LRRC49: variants seen among roughly 807,000 people sequenced by gnomAD.
LRRC49 encodes the protein leucine rich repeat containing 49.
A neutral mutation model predicts 83.3 loss-of-function variants in LRRC49; 50 were observed. The observed-to-expected ratio is 0.60, with a 90% confidence interval of 0.48 to 0.76. The LOEUF (loss-of-function observed/expected upper bound fraction) is 0.76, where lower values mean the gene tolerates loss of function less well. Ranked by LOEUF, LRRC49 falls within the 30% of genes least tolerant of loss-of-function variation. The pLI is 0.00. For missense variants in LRRC49, 704 were observed against 809.1 expected, an observed-to-expected ratio of 0.87 and a Z score of 1.58; for synonymous variants, 286 against 283.3, an observed-to-expected ratio of 1.01 and a Z score of -0.10.
At chr15:70,925,797 A>G (rs1399430989) in intron 7 of LRRC49, among the ~76,000 whole-genome samples, 2 of 152,200 alleles carry the variant, frequency 1.3e-5, no homozygotes, top group African/African-American at 4.8e-5. Context: ...CTAAATATGA[A>G]GACTTTTCCT....
intron 1 of LRRC49, among the ~76,000 whole-genome samples, chr15:70,865,373 T>A (rs115464199): frequency 0.013 from 1,965 of 150,380 alleles, 43 homozygotes; most frequent in African/African-American, 0.045. Flanking sequence ...GAGAAAGACA[T>A]TCACCTACAA....
intron 10 of LRRC49, among the ~76,000 whole-genome samples, chr15:70,981,191 C>T (rs890268068): frequency 6.6e-6 from 1 of 152,126 alleles, no homozygotes; most frequent in Non-Finnish European, 1.5e-5. Flanking sequence ...TGCAACTCTA[C>T]ATATTGATCA....
chr15:70,899,039 G>A (rs1463363463), intron 3 of LRRC49, among the ~76,000 whole-genome samples: 1 of 152,146 alleles, frequency 6.6e-6, no homozygotes, highest in Admixed American at 6.5e-5. Flanking sequence ...ATTGTAAGCA[G>A]TATATCACAT....
chr15:70,971,870 G>A (rs1884447141), intron 9 of LRRC49, among the ~76,000 whole-genome samples: 1 of 127,974 alleles, frequency 7.8e-6, no homozygotes, highest in South Asian at 2.5e-4. Context: ...TTGAGTCTAT[G>A]TGTGTCTTTG....
Position 71,009,964 on chromosome 15 carries a change from T to C in LRRC49, c.1565T>C (p.Phe522Ser), listed in dbSNP as rs2038596282. The change falls in exon 13 of 16, where the codon TTC (phenylalanine) becomes TCC (serine). Residue 522 changes from phenylalanine (F) to serine (S), a missense_variant. Phe to Ser is a radical substitution (Grantham distance 155). Around this residue, in one of 3 missense-constraint regions of LRRC49, gnomAD observed 275 missense variants for 338.0 expected, o/e 0.81. Transcript: ENST00000260382. The part of the protein sequence containing the change: ...KYYVLFRLSH[F>S]SMQKINGTEV... The stretch of plus-strand genomic sequence containing the variant: ...TATGTACTGTTTAGGCTAAGCCATT[T>C]CAGTATGCAGAAAATAAATGGAACA... 6.2e-7 allele frequency: 1 copy of C among 1,600,212 alleles called. No homozygotes were observed. The highest frequency in any genetic ancestry group is 1.1e-5 in the South Asian group (1 of 88,018).
chr15:71,018,729 A>T (rs1432238031), intron 14 of LRRC49, among the ~76,000 whole-genome samples: 1 of 152,098 alleles, frequency 6.6e-6, no homozygotes, highest in African/African-American at 2.4e-5. Context: ...GTCAGATCCT[A>T]CAGGTTGAAA....
intron 2 of LRRC49, among the ~76,000 whole-genome samples, chr15:70,887,431 T>C (rs894376220): frequency 6.6e-6 from 1 of 152,172 alleles, no homozygotes; most frequent in Admixed American, 6.5e-5. Flanking sequence ...TTTGACCAAA[T>C]TGAGTTTATT....
chr15:71,019,073 A>G (rs76817766), intron 14 of LRRC49, among the ~76,000 whole-genome samples: 4,084 of 152,242 alleles, frequency 0.027, 194 homozygotes, highest in African/African-American at 0.093. Flanking sequence ...GAACCTCCAC[A>G]TGTTCATCTA....
In LRRC49 at chr15:71,008,707, T is replaced by A. The variant is rs376929594; in HGVS notation, c.1407+91T>A. The A allele has an allele frequency of 3.5e-4, 295 of 852,850 alleles. 4 individuals carry two copies. The East Asian group carries it at 6.8e-3, about 20-fold the overall frequency. 52.8% of individuals were successfully genotyped at this position (852,850 alleles called of 1,614,324 possible). On this transcript the variant is annotated intron_variant, in intron 12 of 15. Coordinates refer to ENST00000260382, the MANE Select transcript of LRRC49 (RefSeq NM_017691.5). ...AGACCTGTTTTAACTTGTATTTATG[T>A]AGTTTCTATCTGGCAGGAAGATTTA...
intron 8 of LRRC49, among the ~76,000 whole-genome samples, chr15:70,944,572 T>G (rs2035942265): frequency 6.6e-6 from 1 of 152,114 alleles, no homozygotes; most frequent in Admixed American, 6.5e-5. Flanking sequence ...GCCCAACTTA[T>G]TTTTTTACTT....
intron 9 of LRRC49, among the ~76,000 whole-genome samples, chr15:70,975,123 A>G (rs2037160797): frequency 6.6e-6 from 1 of 152,222 alleles, no homozygotes; most frequent in Admixed American, 6.5e-5. Flanking sequence ...TTTTTTCTAC[A>G]GTGGTCAGAT....
intron 8 of LRRC49, among the ~76,000 whole-genome samples, chr15:70,939,687 C>T (rs1357262839): frequency 2.0e-5 from 3 of 152,072 alleles, no homozygotes; most frequent in Non-Finnish European, 4.4e-5. Flanking sequence ...AATAATGTTG[C>T]TTTTTATTGT....
In LRRC49 at chr15:71,051,562, A is replaced by T. The variant is rs1229552490; in HGVS notation, c.*1950A>T. 6.6e-6 allele frequency: 1 copy of T among 152,262 alleles called. No homozygotes were observed. Among genetic ancestry groups the T allele is most frequent in the Non-Finnish European group, 1.5e-5 (1 of 68,082 alleles). 9.4% of individuals were successfully genotyped at this position (152,262 alleles called of 1,614,324 possible). A position where few individuals can be genotyped will look rare whatever the true frequency, so the allele number is the denominator to read the frequency against. ...GTCTGTGGGATTCTGGCAGATTGGAAAGATGTAAGAACTTGTGACTCTTTG... is the reference window on the plus strand; with the variant it reads ...GTCTGTGGGATTCTGGCAGATTGGATAGATGTAAGAACTTGTGACTCTTTG... On this transcript the variant is annotated 3_prime_UTR_variant, in exon 16 of 16. Coordinates refer to ENST00000260382, the MANE Select transcript of LRRC49 (RefSeq NM_017691.5).
At chr15:70,958,082 A>C (rs2036466364) in intron 8 of LRRC49, among the ~76,000 whole-genome samples, 1 of 152,104 alleles carries the variant, frequency 6.6e-6, no homozygotes, top group Non-Finnish European at 1.5e-5. Flanking sequence ...TCCTTATCAC[A>C]TCCAAATGAT....
At chr15:70,856,271 T>C (rs1462716514) in intron 1 of LRRC49, among the ~76,000 whole-genome samples, 1 of 152,228 alleles carries the variant, frequency 6.6e-6, no homozygotes, top group Non-Finnish European at 1.5e-5. Context: ...TGAATTTATA[T>C]GTCCTTACAT....
At position 70,984,133 on chromosome 15, in the gene LRRC49, T is replaced by A. The variant is rs1240531509; in HGVS notation, c.1045T>A (p.Trp349Arg). Residue 349 changes from tryptophan to arginine, a missense_variant, in exon 11 of 16, where the codon TGG becomes AGG. By Grantham distance (101) the Trp-to-Arg change is moderately radical. Around this residue, in one of 3 missense-constraint regions of LRRC49, gnomAD observed 168 missense variants for 140.6 expected, o/e 1.20. Transcript: ENST00000260382. ...RLTINNVARQ[W>R]DLQQQRVANI... ...AACAATTAACAACGTAGCTCGACAG[T>A]GGGACTTGCAACAACAACGAGTAGC... 1 of 1,589,520 alleles carries A rather than the reference T, an allele frequency of 6.3e-7. No individual in the cohort carries two copies. The highest frequency in any genetic ancestry group is 8.6e-7 in the Non-Finnish European group (1 of 1,168,134).
intron 9 of LRRC49, among the ~76,000 whole-genome samples, chr15:70,965,494 T>C (rs946649381): frequency 3.3e-5 from 5 of 152,134 alleles, no homozygotes; most frequent in African/African-American, 4.8e-5. Flanking sequence ...TCTGGAACTA[T>C]TTCTCAGTCT....
chr15:70,892,580 G>A (rs965960257), upstream of LRRC49: 10 of 1,481,090 alleles, frequency 6.8e-6, no homozygotes, highest in Non-Finnish European at 8.9e-6. Context: ...ACCGGAAGTG[G>A]TGGTGGTTAT....
chr15:70,900,313 G>A (rs2034016068), intron 3 of LRRC49: 1 of 376,582 alleles, frequency 2.7e-6, no homozygotes, highest in African/African-American at 2.1e-5. Context: ...TAGATTTACT[G>A]ACATCCACTT....
Sources: allele counts gnomAD v4.1 joint callset (sites outside exome capture counted in the v4.1 genomes callset), GRCh38; gene constraint gnomAD v4.1.1; regional missense constraint gnomAD v4.1.1; transcripts MANE v1.5; gene names NCBI Gene and HGNC (gene_info 2026-07-23, HGNC 2026-07-21).